MSRA: variants seen among roughly 807,000 people sequenced by gnomAD.
The protein encoded by MSRA is methionine sulfoxide reductase A.
In MSRA, 54 loss-of-function variants were observed where a neutral mutation model predicts 31.3. The ratio of observed to expected loss-of-function variants is 1.73; its 90% CI spans 1.39 to 2.17. The LOEUF (loss-of-function observed/expected upper bound fraction) is 2.17. Ranked by LOEUF, MSRA falls within the 30% of genes most tolerant of loss-of-function variation. The pLI is 0.00. For missense variants in MSRA, 507 were observed against 300.9 expected (o/e 1.69, Z -5.07); for synonymous variants, 169 against 116.5 (o/e 1.45, Z -2.90).
intron 1 of MSRA, among the ~76,000 whole-genome samples, chr8:10,073,179 T>G (rs1267719611): frequency 1.3e-5 from 2 of 152,196 alleles, no homozygotes; most frequent in Admixed American, 6.5e-5. Context: ...CAGACATGCT[T>G]ACTTTGTATC....
At chr8:10,258,002 A>T (rs1302661233) in intron 3 of MSRA, among the ~76,000 whole-genome samples, 1 of 152,138 alleles carries the variant, frequency 6.6e-6, no homozygotes, top group Non-Finnish European at 1.5e-5. Context: ...ATAATAGCTA[A>T]TAGGTTTTAG....
chr8:10,219,996 G>A (rs1487412170), intron 2 of MSRA, among the ~76,000 whole-genome samples: 1 of 151,858 alleles, frequency 6.6e-6, no homozygotes, highest in Non-Finnish European at 1.5e-5. Context: ...TTCAGTTGAA[G>A]CAACATGGTT....
chr8:10,407,456 T>A (rs1403466830), intron 5 of MSRA, among the ~76,000 whole-genome samples: 3 of 152,208 alleles, frequency 2.0e-5, no homozygotes, highest in African/African-American at 7.2e-5. Flanking sequence ...CTGGATGAAC[T>A]GTCAAGCTTT....
intron 1 of MSRA, among the ~76,000 whole-genome samples, chr8:10,137,200 G>A (rs764057555): frequency 6.6e-6 from 1 of 152,140 alleles, no homozygotes; most frequent in African/African-American, 2.4e-5. Context: ...TTATTTTGAC[G>A]TGAGTTTTCA....
chr8:10,254,408 T>C (rs1463667912), intron 3 of MSRA, among the ~76,000 whole-genome samples: 1 of 152,226 alleles, frequency 6.6e-6, no homozygotes, highest in Non-Finnish European at 1.5e-5. Context: ...TTTATTGTTA[T>C]AAGGCTTAAA....
At chr8:10,099,210 G>C (rs145691091) in intron 1 of MSRA, among the ~76,000 whole-genome samples, 1 of 152,354 alleles carries the variant, frequency 6.6e-6, no homozygotes, top group Non-Finnish European at 1.5e-5. Context: ...TTGAAGAGGA[G>C]ATAAAAGTCA....
intron 5 of MSRA, among the ~76,000 whole-genome samples, chr8:10,408,159 C>T (rs1807935308): frequency 6.6e-6 from 1 of 152,122 alleles, no homozygotes. Flanking sequence ...GGGTCGCATC[C>T]CTGGGACGAG....
At chr8:10,414,936 C>T (rs186961466) in intron 5 of MSRA, among the ~76,000 whole-genome samples, 252 of 152,168 alleles carry the variant, frequency 1.7e-3, no homozygotes, top group African/African-American at 5.9e-3. Flanking sequence ...TCCATGTCTC[C>T]CGAAACTGAA....
chr8:10,129,100 T>C (rs1448129978), intron 1 of MSRA, among the ~76,000 whole-genome samples: 4 of 152,230 alleles, frequency 2.6e-5, no homozygotes, highest in South Asian at 2.1e-4. Context: ...TGGTGGCTAA[T>C]TGATGATTCC....
intron 3 of MSRA, among the ~76,000 whole-genome samples, chr8:10,247,384 C>T (rs1373727836): frequency 2.0e-5 from 3 of 152,188 alleles, no homozygotes; most frequent in African/African-American, 7.2e-5. Flanking sequence ...CATATCCCAG[C>T]CATTCTCCAT....
At chr8:10,342,411 C>T (rs1585529058) in intron 5 of MSRA, among the ~76,000 whole-genome samples, 1 of 152,342 alleles carries the variant, frequency 6.6e-6, no homozygotes. Flanking sequence ...ACTTCACCTG[C>T]ACCCATGAGA....
intron 3 of MSRA, among the ~76,000 whole-genome samples, chr8:10,288,902 C>T (rs1221527499): frequency 2.0e-5 from 3 of 151,444 alleles, no homozygotes; most frequent in Non-Finnish European, 4.4e-5. Context: ...CTTTGGATGA[C>T]GTGAAGTAGC....
chr8:10,270,874 G>C (rs1440724369), intron 3 of MSRA, among the ~76,000 whole-genome samples: 1 of 152,178 alleles, frequency 6.6e-6, no homozygotes, highest in Non-Finnish European at 1.5e-5. Flanking sequence ...GCAGGGGAGA[G>C]GCACCCGGAC....
intron 4 of MSRA, among the ~76,000 whole-genome samples, chr8:10,319,581 T>C (rs1228847635): frequency 6.6e-6 from 1 of 151,758 alleles, no homozygotes; most frequent in Non-Finnish European, 1.5e-5. Context: ...GAGTAGATCG[T>C]TGTTTAAGTA....
chr8:10,263,263 C>T (rs1469354439), intron 3 of MSRA, among the ~76,000 whole-genome samples: 2 of 152,324 alleles, frequency 1.3e-5, no homozygotes, highest in Non-Finnish European at 2.9e-5. Context: ...CTGGCCTCAC[C>T]ATTCTCCCAG....
intron 3 of MSRA, among the ~76,000 whole-genome samples, chr8:10,279,161 T>C (rs1051586722): frequency 1.3e-5 from 2 of 152,204 alleles, no homozygotes; most frequent in East Asian, 3.8e-4. Context: ...CCTCTGTCTC[T>C]TCATTAGTAA....
intron 5 of MSRA, among the ~76,000 whole-genome samples, chr8:10,364,750 G>A (rs905164173): frequency 2.0e-5 from 3 of 152,200 alleles, no homozygotes; most frequent in Non-Finnish European, 4.4e-5. Flanking sequence ...GGGCGTGCCA[G>A]ATATCACGTG....
chr8:10,201,107 C>A (rs1002775416), intron 1 of MSRA, among the ~76,000 whole-genome samples: 1 of 152,024 alleles, frequency 6.6e-6, no homozygotes, highest in African/African-American at 2.4e-5. Context: ...GACTGTGAGA[C>A]CATATTTTGT....
At position 10,081,951 on chromosome 8, in the gene MSRA, C is replaced by G. The variant is rs1798315458; in HGVS notation, c.142+27293C>G. On this transcript the variant is annotated intron_variant, in intron 1 of 5. Transcript: ENST00000317173. ...GGCTTTGGTGGCTCATGCCTGTGTC[C>G]CAGCGCTGTGAGGGCCAAGGCAAGA... is the stretch of plus-strand genomic sequence containing the variant. 2.0e-5 allele frequency among the ~76,000 whole-genome samples: 3 copies of G among 152,070 alleles called. No homozygotes were observed. The South Asian group carries it at 6.2e-4, about 31-fold the overall frequency.
Sources: allele counts gnomAD v4.1 joint callset (sites outside exome capture counted in the v4.1 genomes callset), GRCh38; gene constraint gnomAD v4.1.1; transcripts MANE v1.5; gene names NCBI Gene and HGNC (gene_info 2026-07-23, HGNC 2026-07-21).